The following PDE4D variants were observed in gnomAD, a reference collection of about 807,000 sequenced individuals.
PDE4D encodes 3',5'-cyclic-AMP phosphodiesterase 4D.
In PDE4D, 24 loss-of-function variants were observed where a neutral mutation model predicts 87.4. That is an observed-to-expected ratio of 0.27 (90% CI 0.20 to 0.39). The LOEUF is 0.39. Ranked by LOEUF, PDE4D falls within the 10% of genes least tolerant of loss-of-function variation. PDE4D has a pLI of 1.00. For missense variants in PDE4D, 714 were observed against 1,041.0 expected (o/e 0.69, Z 4.32); for synonymous variants, 384 against 383.2 (o/e 1.00, Z -0.02).
chr5:60,163,291 A>G (rs907582482), intron 2 of PDE4D, among the ~76,000 whole-genome samples: 1 of 151,548 alleles, frequency 6.6e-6, no homozygotes. Context: ...CCTATTTATT[A>G]CTCTATATTT....
chr5:60,313,239 T>A (rs1490494471), intron 1 of PDE4D, among the ~76,000 whole-genome samples: 2 of 151,092 alleles, frequency 1.3e-5, no homozygotes. Context: ...TCAGAAATGG[T>A]AAAGGGGATA....
chr5:60,227,112 T>G (rs140006124), intron 1 of PDE4D, among the ~76,000 whole-genome samples: 515 of 151,978 alleles, frequency 3.4e-3, no homozygotes, highest in Middle Eastern at 0.017. Flanking sequence ...AAACACATAA[T>G]TATACCTAAC....
intron 1 of PDE4D, among the ~76,000 whole-genome samples, chr5:59,823,399 C>G (rs1004485206): frequency 6.6e-6 from 1 of 152,084 alleles, no homozygotes; most frequent in Non-Finnish European, 1.5e-5. Context: ...TAGTTTATCT[C>G]CAACTGCCTG....
At chr5:59,195,791 A>C (rs1308878898) in intron 2 of PDE4D, among the ~76,000 whole-genome samples, 2 of 152,242 alleles carry the variant, frequency 1.3e-5, no homozygotes, top group Non-Finnish European at 2.9e-5. Context: ...TGTTCAATAA[A>C]CATTTCTATA....
At chr5:60,448,939 G>A (rs1052589392) in intron 1 of PDE4D, among the ~76,000 whole-genome samples, 4 of 151,992 alleles carry the variant, frequency 2.6e-5, no homozygotes, top group Non-Finnish European at 5.9e-5. Context: ...TTTCCAAAGA[G>A]CTTTCATAAA....
At chr5:59,497,445 A>G (rs1404589209) in intron 1 of PDE4D, among the ~76,000 whole-genome samples, 2 of 152,112 alleles carry the variant, frequency 1.3e-5, no homozygotes, top group East Asian at 3.9e-4. Context: ...AGAAGCCAGA[A>G]AAATGATCCA....
At chr5:60,115,786 A>T (rs1778120640) in intron 2 of PDE4D, among the ~76,000 whole-genome samples, 1 of 152,146 alleles carries the variant, frequency 6.6e-6, no homozygotes. Flanking sequence ...TATAATACCA[A>T]CATCAATATA....
intron 2 of PDE4D, among the ~76,000 whole-genome samples, chr5:60,065,876 A>G (rs529995426): frequency 1.3e-5 from 2 of 152,300 alleles, no homozygotes; most frequent in African/African-American, 4.8e-5. Flanking sequence ...GCTATTGTGA[A>G]TAGTGCAGCT....
chr5:59,652,398 G>A (rs1423160967), intron 1 of PDE4D, among the ~76,000 whole-genome samples: 2 of 152,086 alleles, frequency 1.3e-5, no homozygotes, highest in African/African-American at 2.4e-5. Context: ...TATCTCCTTT[G>A]ATAGAATGCC....
At chr5:59,955,591 C>G (rs759584003) in intron 3 of PDE4D, among the ~76,000 whole-genome samples, 1 of 152,200 alleles carries the variant, frequency 6.6e-6, no homozygotes, top group Non-Finnish European at 1.5e-5. Flanking sequence ...GGATTCCAAC[C>G]AGTATAGCGA....
At chr5:59,394,872 G>A (rs569858657) in intron 1 of PDE4D, among the ~76,000 whole-genome samples, 24 of 152,120 alleles carry the variant, frequency 1.6e-4, no homozygotes, top group East Asian at 3.9e-4. Context: ...CAGTGGGTGC[G>A]CGCACCGTGC....
intron 2 of PDE4D, among the ~76,000 whole-genome samples, chr5:60,094,588 CTTTTTTTT>C (rs3087200): frequency 3.4e-5 from 2 of 58,178 alleles, no homozygotes; most frequent in South Asian, 8.8e-4. Flanking sequence ...GAGTGACATG[CTTTTTTTT>C]TTTTTTTTTT....
intron 1 of PDE4D, among the ~76,000 whole-genome samples, chr5:60,259,490 T>C (rs1395068108): frequency 1.3e-5 from 2 of 152,094 alleles, no homozygotes; most frequent in Non-Finnish European, 2.9e-5. Flanking sequence ...AGCTGTACTC[T>C]GCCCTTTTTT....
At chr5:60,151,118 C>A (rs894531588) in intron 2 of PDE4D, among the ~76,000 whole-genome samples, 7 of 152,160 alleles carry the variant, frequency 4.6e-5, no homozygotes, top group African/African-American at 1.7e-4. Flanking sequence ...TCCCTCTAAT[C>A]AAGTACAAAG....
chr5:59,259,040 G>A (rs1761498881), intron 1 of PDE4D, among the ~76,000 whole-genome samples: 1 of 151,710 alleles, frequency 6.6e-6, no homozygotes, highest in African/African-American at 2.4e-5. Context: ...TCATATACAT[G>A]TCATATCATA....
Position 58,974,481 on chromosome 5 carries a change from A to G in PDE4D, c.*183T>C. ...AAGATGTCCACCTTGCTCGGATGACATGGAGGTGAAAAAACTGGTTACGAT... is the reference window on the plus strand; with the variant it reads ...AAGATGTCCACCTTGCTCGGATGACGTGGAGGTGAAAAAACTGGTTACGAT... On this transcript the variant is annotated 3_prime_UTR_variant, in exon 15 of 15. Transcript: ENST00000340635. The G allele has an allele frequency of 4.4e-6, 2 of 449,972 alleles. No individual in the cohort carries two copies. Among genetic ancestry groups the G allele is most frequent in the Non-Finnish European group, 7.8e-6 (2 of 256,448 alleles). 27.9% of individuals were successfully genotyped at this position (449,972 alleles called of 1,614,324 possible).
intron 1 of PDE4D, among the ~76,000 whole-genome samples, chr5:59,476,895 G>A (rs1438734345): frequency 6.6e-6 from 1 of 151,882 alleles, no homozygotes; most frequent in Non-Finnish European, 1.5e-5. Flanking sequence ...CTTATTAATA[G>A]CATTACAGCA....
At chr5:59,256,724 T>C (rs956512311) in intron 1 of PDE4D, among the ~76,000 whole-genome samples, 1 of 152,102 alleles carries the variant, frequency 6.6e-6, no homozygotes, top group African/African-American at 2.4e-5. Context: ...TGAGTGATTC[T>C]ATTTAGCTGC....
At chr5:58,999,482 G>C (rs1395088559) in intron 6 of PDE4D, 2 of 1,485,262 alleles carry the variant, frequency 1.3e-6, no homozygotes, top group East Asian at 2.3e-5. Context: ...AGCTAAGTAA[G>C]TCTTACCTTT....
Sources: gnomAD v4.1 joint callset for allele counts (sites outside exome capture counted in the v4.1 genomes callset) on GRCh38, gnomAD v4.1.1 for gene constraint, MANE v1.5 for transcripts, NCBI Gene and HGNC (gene_info 2026-07-23, HGNC 2026-07-21) for gene names.